TANC2: variants seen among roughly 807,000 people sequenced by gnomAD.
TANC2 encodes the protein tetratricopeptide repeat, ankyrin repeat and coiled-coil containing 2.
Under a neutral mutation model 210.5 loss-of-function variants are expected in TANC2, and 26 were observed. The observed-to-expected ratio is 0.12, with a 90% CI of 0.09 to 0.17. The LOEUF (loss-of-function observed/expected upper bound fraction) is 0.17, where lower values mean the gene tolerates loss of function less well. Ranked by LOEUF, TANC2 falls within the 10% of genes least tolerant of loss-of-function variation. The pLI is 1.00. For missense variants in TANC2, 2,129 were observed against 2,608.9 expected (o/e 0.82, Z 4.01); for synonymous variants, 931 against 967.1 (o/e 0.96, Z 0.69).
chr17:63,107,321 A>G (rs909692236), intron 4 of TANC2, among the ~76,000 whole-genome samples: 2 of 151,744 alleles, frequency 1.3e-5, no homozygotes, highest in Admixed American at 6.5e-5. Flanking sequence ...AATGAAAAAT[A>G]TATACCAAAT....
intron 9 of TANC2, among the ~76,000 whole-genome samples, chr17:63,276,124 G>T (rs905461866): frequency 6.6e-6 from 1 of 151,974 alleles, no homozygotes; most frequent in Non-Finnish European, 1.5e-5. Context: ...GTATATAAAA[G>T]GTTTGTTGTG....
chr17:63,232,628 C>T (rs901635658), intron 7 of TANC2, among the ~76,000 whole-genome samples: 6 of 152,254 alleles, frequency 3.9e-5, no homozygotes, highest in Non-Finnish European at 8.8e-5. Context: ...CCTGCTTCTT[C>T]CTCTAGGAGC....
rs190017359 is a variant in TANC2 at position 63,024,391 on chromosome 17, C to T, written c.67+14765C>T. 7.0e-3 allele frequency among the ~76,000 whole-genome samples: 1,072 copies of T among 152,282 alleles called. 7 individuals carry two copies. Among genetic ancestry groups the T allele is most frequent in the Middle Eastern group, 0.014 (4 of 294 alleles). ...AACATCCTGTCATTGCCATGACATT[C>T]GTAAACTGTCTTGGCACTGGTGGGC... On this transcript the variant is annotated intron_variant, in intron 2 of 27. Transcript: ENST00000689528.
chr17:62,984,246 T>C (rs2032454521), intron 1 of TANC2, among the ~76,000 whole-genome samples: 1 of 152,100 alleles, frequency 6.6e-6, no homozygotes, highest in Admixed American at 6.5e-5. Flanking sequence ...GTCCTCTAGG[T>C]TTCAAAATTT....
chr17:63,166,224 C>T (rs2040204766), intron 5 of TANC2, among the ~76,000 whole-genome samples: 1 of 152,100 alleles, frequency 6.6e-6, no homozygotes, highest in African/African-American at 2.4e-5. Flanking sequence ...AAACCCTGTT[C>T]CCCTACCAAA....
At chr17:63,410,842 C>G in intron 21 of TANC2, among the ~76,000 whole-genome samples, 1 of 105,580 alleles carries the variant, frequency 9.5e-6, no homozygotes, top group Non-Finnish European at 1.7e-5. Context: ...GCCAGGGCAA[C>G]GGAGCAAGAC....
At chr17:63,282,785 T>G (rs2044099048) in intron 9 of TANC2, among the ~76,000 whole-genome samples, 1 of 152,104 alleles carries the variant, frequency 6.6e-6, no homozygotes, top group Non-Finnish European at 1.5e-5. Flanking sequence ...TAACTGATAT[T>G]GAAAATCTTC....
At chr17:63,255,736 A>T (rs1403763810) in intron 8 of TANC2, among the ~76,000 whole-genome samples, 2 of 151,640 alleles carry the variant, frequency 1.3e-5, no homozygotes, top group Admixed American at 6.6e-5. Flanking sequence ...TGTCAATTTT[A>T]TCTTCTCCAA....
chr17:63,022,525 C>A (rs937244677), intron 2 of TANC2, among the ~76,000 whole-genome samples: 5 of 152,040 alleles, frequency 3.3e-5, no homozygotes, highest in Non-Finnish European at 7.4e-5. Context: ...AAATTCCCAG[C>A]CTGGCCATGT....
intron 1 of TANC2, among the ~76,000 whole-genome samples, chr17:62,978,224 A>G (rs1568290746): frequency 6.6e-6 from 1 of 152,238 alleles, no homozygotes; most frequent in South Asian, 2.1e-4. Flanking sequence ...AAGGTAATAC[A>G]CTATGATCAA....
chr17:63,198,083 A>G (rs371215562), intron 6 of TANC2, among the ~76,000 whole-genome samples: 4 of 152,356 alleles, frequency 2.6e-5, no homozygotes, highest in African/African-American at 7.2e-5. Flanking sequence ...CACATTGTCT[A>G]TATTATGCAT....
chr17:63,284,306 CT>C (rs1300777552), intron 9 of TANC2, among the ~76,000 whole-genome samples: 8 of 151,810 alleles, frequency 5.3e-5, no homozygotes, highest in Non-Finnish European at 1.0e-4. Context: ...TTGGTCATGA[CT>C]TTTTAATATA....
intron 11 of TANC2, among the ~76,000 whole-genome samples, chr17:63,325,440 G>C (rs1158247890): frequency 6.6e-6 from 1 of 152,004 alleles, no homozygotes; most frequent in Non-Finnish European, 1.5e-5. Context: ...CTTAAATATT[G>C]CTTCTTCTAA....
Position 63,420,345 on chromosome 17 carries a change from A to G in TANC2, c.4615A>G (p.Ile1539Val), listed in dbSNP as rs779709993. ...TCCCCCGCATCGGGACTCAGCCTAC[A>G]TCTCCAGCTCACCTCTTGGCTCTCA... is the stretch of plus-strand genomic sequence containing the variant. Residue 1539 changes from isoleucine (I) to valine (V), a missense_variant, in exon 28 of 28, where the codon ATC becomes GTC. Transcript: ENST00000689528. The surrounding 1 kb of genome is among the most constrained non-coding windows in gnomAD (Gnocchi z 4.2). 71 of 1,613,768 alleles carry G rather than the reference A, an allele frequency of 4.4e-5. No individual in the cohort carries two copies. The East Asian group carries it at 9.4e-4, about 21-fold the overall frequency.
At chr17:63,012,095 C>T (rs1032550216) in intron 2 of TANC2, among the ~76,000 whole-genome samples, 2 of 151,372 alleles carry the variant, frequency 1.3e-5, no homozygotes, top group Admixed American at 6.6e-5. Flanking sequence ...CAGCTCACTG[C>T]AGCCTCAACT....
chr17:63,135,883 G>A (rs574469258), intron 4 of TANC2, among the ~76,000 whole-genome samples: 39 of 152,148 alleles, frequency 2.6e-4, no homozygotes, highest in Non-Finnish European at 4.6e-4. Context: ...ACCTAATAAC[G>A]TTAAACTTAT....
chr17:63,388,614 T>C, intron 15 of TANC2, 21 bp from the exon 16 acceptor site: 1 of 1,587,420 alleles, frequency 6.3e-7, no homozygotes, highest in Non-Finnish European at 8.6e-7. Context: ...ACTAATTTAA[T>C]TGTCTGTATT....
intron 10 of TANC2, among the ~76,000 whole-genome samples, chr17:63,318,605 T>C (rs1287293092): frequency 6.6e-6 from 1 of 152,024 alleles, no homozygotes. Flanking sequence ...TATATGGTCC[T>C]TTTTTTTACT....
At chr17:63,179,661 A>G (rs547245885) in intron 5 of TANC2, among the ~76,000 whole-genome samples, 104 of 152,118 alleles carry the variant, frequency 6.8e-4, no homozygotes, top group Non-Finnish European at 1.3e-3. Context: ...TGGCAAGTCA[A>G]ACAATTTGAA....
Sources: gnomAD v4.1 joint callset for allele counts (sites outside exome capture counted in the v4.1 genomes callset) on GRCh38, gnomAD v4.1.1 for gene constraint, Gnocchi (gnomAD v3.1) non-coding constraint, MANE v1.5 for transcripts, NCBI Gene and HGNC (gene_info 2026-07-23, HGNC 2026-07-21) for gene names.